Variants in EHMT1 observed in about 807,000 individuals in gnomAD.
EHMT1 encodes histone-lysine N-methyltransferase EHMT1.
Under a neutral mutation model 147.2 loss-of-function variants are expected in EHMT1, and 15 were observed. The ratio of observed to expected loss-of-function variants is 0.10; its 90% confidence interval spans 0.07 to 0.16. The LOEUF (loss-of-function observed/expected upper bound fraction) is 0.16. Among genes scored for constraint, EHMT1 ranks in the 10% least tolerant of loss-of-function variants. EHMT1 has a pLI of 1.00. For missense variants in EHMT1, 1,587 were observed against 1,772.4 expected (o/e 0.90, Z 1.88); for synonymous variants, 795 against 709.6 (o/e 1.12, Z -1.91).
chr9:137,724,190 C>G (rs1946363981), intron 3 of EHMT1, among the ~76,000 whole-genome samples: 1 of 152,206 alleles, frequency 6.6e-6, no homozygotes, highest in Non-Finnish European at 1.5e-5. Flanking sequence ...TTGGTCTGCA[C>G]TGGAGGTGGT....
At chr9:137,636,457 A>G (rs190087276) in intron 1 of EHMT1, among the ~76,000 whole-genome samples, 5 of 152,258 alleles carry the variant, frequency 3.3e-5, no homozygotes, top group African/African-American at 1.2e-4. Flanking sequence ...GAAAGCTGAC[A>G]TTCCCATCTT....
chr9:137,750,922 G>A (rs1343168247), intron 6 of EHMT1, among the ~76,000 whole-genome samples: 1 of 152,226 alleles, frequency 6.6e-6, no homozygotes, highest in Non-Finnish European at 1.5e-5. Flanking sequence ...GGTTGGGCCA[G>A]TTGACTAATA....
intron 10 of EHMT1, among the ~76,000 whole-genome samples, chr9:137,768,068 T>C (rs1022423630): frequency 6.6e-6 from 1 of 152,124 alleles, no homozygotes; most frequent in Admixed American, 6.6e-5. Flanking sequence ...AGGAGCAACA[T>C]TGGGTACCAT....
intron 4 of EHMT1, among the ~76,000 whole-genome samples, chr9:137,742,049 A>T (rs1948131346): frequency 6.6e-6 from 1 of 152,204 alleles, no homozygotes; most frequent in South Asian, 2.1e-4. Context: ...GTGGACAGAC[A>T]GAGCCAAGTG....
At chr9:137,715,717 T>G (rs558640914) in intron 2 of EHMT1, 1 of 985,252 alleles carries the variant, frequency 1.0e-6, no homozygotes, top group East Asian at 1.1e-4. Flanking sequence ...CATCGGAGAG[T>G]GAGCCTCTGT....
Position 137,813,103 on chromosome 9 carries a change from C to G in EHMT1, c.2965C>G (p.Leu989Val), listed in dbSNP as rs1217060988. The G allele has an allele frequency of 2.5e-6, 4 of 1,613,404 alleles. No individual in the cohort carries two copies. Among genetic ancestry groups the G allele is most frequent in the Non-Finnish European group, 3.4e-6 (4 of 1,180,044 alleles). Reference sequence around the variant, plus strand: ...CCTCAACTCTCAGGTGTGGAGCGCTCTGCAGATGAGCAAGGCTCTGCAGGA... The same window carrying G: ...CCTCAACTCTCAGGTGTGGAGCGCTGTGCAGATGAGCAAGGCTCTGCAGGA... ...ASLNSQVWSA[L>V]QMSKALQDSA... Residue 989 changes from leucine to valine, a missense_variant, in exon 20 of 27, where the codon CTG (leucine) becomes GTG (valine). By Grantham distance (32) the Leu-to-Val change is conservative (BLOSUM62 1). Transcript: ENST00000460843. The surrounding 1 kb of genome is among the most constrained non-coding windows in gnomAD (Gnocchi z 4.9).
chr9:137,831,748 CAG>C (rs1485960672), intron 25 of EHMT1, among the ~76,000 whole-genome samples: 4 of 152,258 alleles, frequency 2.6e-5, no homozygotes, highest in African/African-American at 9.6e-5. Context: ...TTCGTTTCCT[CAG>C]TGTTTCAAGC....
Position 137,794,517 on chromosome 9 carries a change from C to T in EHMT1, c.2505+3547C>T, listed in dbSNP as rs543206985. On this transcript the variant is annotated intron_variant, in intron 16 of 26. Transcript: ENST00000460843. The stretch of plus-strand genomic sequence containing the variant: ...GAAAAATTAGCTGGGCGTGGTGGCA[C>T]GTGCCTGTAGTCATAGCCCCTTGGG... 3.3e-5 allele frequency among the ~76,000 whole-genome samples: 5 copies of T among 151,910 alleles called. No individual in the cohort carries two copies. The South Asian group carries it at 8.3e-4, about 25-fold the overall frequency.
chr9:137,687,218 A>G (rs1194808052), intron 1 of EHMT1, among the ~76,000 whole-genome samples: 1 of 152,208 alleles, frequency 6.6e-6, no homozygotes, highest in Non-Finnish European at 1.5e-5. Flanking sequence ...CACTGTCCTG[A>G]TTATTGTAGC....
chr9:137,817,278 G>C (rs776534591), intron 23 of EHMT1, 161 bp from the exon 24 acceptor site: 3 of 783,052 alleles, frequency 3.8e-6, no homozygotes, highest in Non-Finnish European at 6.4e-6. Flanking sequence ...CTGAGAGTGC[G>C]AGATGCCGTG....
chr9:137,729,992 G>A (rs1039018599), intron 4 of EHMT1, among the ~76,000 whole-genome samples: 1 of 152,208 alleles, frequency 6.6e-6, no homozygotes, highest in Non-Finnish European at 1.5e-5. Flanking sequence ...GTTGTGTCTT[G>A]CTAGTTTCCT....
chr9:137,774,765 G>T (rs111660455), intron 10 of EHMT1, among the ~76,000 whole-genome samples: 1 of 138,648 alleles, frequency 7.2e-6, no homozygotes, highest in African/African-American at 2.8e-5. Context: ...ATGTGGTCGC[G>T]TCTGGCCCCC....
intron 3 of EHMT1, among the ~76,000 whole-genome samples, chr9:137,720,577 A>G (rs1945848649): frequency 6.6e-6 from 1 of 152,186 alleles, no homozygotes; most frequent in African/African-American, 2.4e-5. Flanking sequence ...TGCTGGGATT[A>G]TGGGCATGAT....
Position 137,813,667 on chromosome 9 carries a change from T to C in EHMT1, c.3180+137T>C. 7.9e-7 allele frequency: 1 copy of C among 1,268,462 alleles called. No homozygotes were observed. Among genetic ancestry groups the C allele is most frequent in the South Asian group, 1.3e-5 (1 of 78,172 alleles). The allele number at this position is 1,268,462 out of a possible 1,614,324, so 78.6% of individuals were successfully genotyped here. ...GGCTTCCCAGGAAGACCTCATTCTC[T>C]TTGTAGTTGCCTCCCGTGAAAGAGC... On this transcript the variant is annotated intron_variant, in intron 21 of 26. Transcript: ENST00000460843. The surrounding 1 kb of genome is among the most constrained non-coding windows in gnomAD (Gnocchi z 4.9).
intron 1 of EHMT1, among the ~76,000 whole-genome samples, chr9:137,704,805 C>CCTTCCCTCCCTCCCGCCT (rs1375247447): frequency 2.8e-5 from 4 of 140,728 alleles, no homozygotes; most frequent in African/African-American, 1.1e-4. Context: ...CCCTCCCGCC[C>CCTTCCCTCCCTCCCGCCT]TCCCTCCCTC....
chr9:137,822,471 C>T (rs945540799), intron 25 of EHMT1, among the ~76,000 whole-genome samples: 6 of 152,154 alleles, frequency 3.9e-5, no homozygotes, highest in African/African-American at 1.4e-4. Flanking sequence ...ATAGCACTTC[C>T]GTTCCCACCT....
At chr9:137,668,951 A>G (rs1276602954) in intron 1 of EHMT1, among the ~76,000 whole-genome samples, 1 of 152,130 alleles carries the variant, frequency 6.6e-6, no homozygotes, top group African/African-American at 2.4e-5. Context: ...CAGTGGCGCA[A>G]TCTCAGCTCA....
At chr9:137,774,724 A>G (rs1211252023) in intron 10 of EHMT1, among the ~76,000 whole-genome samples, 18 of 57,650 alleles carry the variant, frequency 3.1e-4, no homozygotes, top group East Asian at 1.1e-3. Flanking sequence ...TCTGGTGGGT[A>G]TGGTCGCGCC....
intron 1 of EHMT1, among the ~76,000 whole-genome samples, chr9:137,649,471 CAAA>C (rs1443418386): frequency 4.6e-5 from 7 of 151,758 alleles, no homozygotes; most frequent in African/African-American, 1.5e-4. Context: ...AACAAACAAA[CAAA>C]CAAACAAACA....
Sources: gnomAD v4.1 joint callset for allele counts (sites outside exome capture counted in the v4.1 genomes callset) on GRCh38, gnomAD v4.1.1 for gene constraint, Gnocchi (gnomAD v3.1) non-coding constraint, MANE v1.5 for transcripts, NCBI Gene and HGNC (gene_info 2026-07-23, HGNC 2026-07-21) for gene names.